The following CHPT1 variants were observed in gnomAD, a reference collection of about 807,000 sequenced individuals.
The protein encoded by CHPT1 is choline phosphotransferase 1.
A neutral mutation model predicts 47.6 loss-of-function variants in CHPT1; 36 were observed. The ratio of observed to expected loss-of-function variants is 0.76; its 90% confidence interval spans 0.58 to 1.00. The LOEUF (loss-of-function observed/expected upper bound fraction) is 1.00, where lower values mean the gene tolerates loss of function less well. Ranked by LOEUF, CHPT1 falls within the 50% of genes least tolerant of loss-of-function variation. The probability of loss-of-function intolerance (pLI) is 0.00; values close to 1 mark genes in which losing one functional copy is unlikely to be tolerated. For synonymous variants in CHPT1, 194 were observed against 186.3 expected (o/e 1.04, Z -0.33); for missense variants, 458 against 498.1 (o/e 0.92, Z 0.77).
chr12:101,700,083 A>G (rs1303638304), intron 1 of CHPT1, among the ~76,000 whole-genome samples: 1 of 152,266 alleles, frequency 6.6e-6, no homozygotes, highest in Admixed American at 6.5e-5. Flanking sequence ...CTGAAAACAC[A>G]TAATAAAATT....
chr12:101,719,993 C>T, intron 4 of CHPT1, 130 bp from the exon 5 acceptor site: 1 of 515,334 alleles, frequency 1.9e-6, no homozygotes, highest in Non-Finnish European at 3.1e-6. Context: ...GGATTATATT[C>T]CAGAAGTTAA....
At chr12:101,709,085 A>G (rs1397615261) in intron 1 of CHPT1, among the ~76,000 whole-genome samples, 1 of 148,552 alleles carries the variant, frequency 6.7e-6, no homozygotes, top group Non-Finnish European at 1.5e-5. Flanking sequence ...GAGGCTCTGT[A>G]GCTCCCGTTT....
intron 6 of CHPT1, 83 bp downstream of exon 6, chr12:101,723,409 A>T: frequency 1.1e-6 from 1 of 889,934 alleles, no homozygotes; most frequent in African/African-American, 1.7e-5. Context: ...TAAAATGTAT[A>T]GGTTTTCTTT....
At chr12:101,727,811 G>A (rs1951999081) in intron 8 of CHPT1, 2 of 152,140 alleles carry the variant, frequency 1.3e-5, no homozygotes, top group African/African-American at 4.8e-5. Flanking sequence ...CGTTAATGGT[G>A]GAAGACTAAT....
rs778075274 is a variant in CHPT1 at position 101,698,138 on chromosome 12, G to C, written c.273+4G>C. The C allele has an allele frequency of 2.3e-5, 35 of 1,493,186 alleles. 1 individual carries two copies. The South Asian group carries it at 4.3e-4, about 18-fold the overall frequency. 92.5% of individuals were successfully genotyped at this position (1,493,186 alleles called of 1,614,324 possible). A position where few individuals can be genotyped will look rare whatever the true frequency, so the allele number is the denominator to read the frequency against. ...CTGTCCCACGGCCACCGAAGAGGTA[G>C]GGCTGGCCGATCGCCCGAGCCGGGC... On this transcript the variant is annotated splice_donor_region_variant and intron_variant, in intron 1 of 8. Transcript: ENST00000229266.
intron 8 of CHPT1, 64 bp downstream of exon 8, chr12:101,726,468 A>ATGAG: frequency 1.3e-6 from 2 of 1,585,342 alleles, no homozygotes; most frequent in Non-Finnish European, 1.7e-6. Context: ...AGGGGAATCT[A>ATGAG]TGAGTGAAGG....
chr12:101,706,970 T>C (rs899665045), intron 1 of CHPT1, among the ~76,000 whole-genome samples: 15 of 152,262 alleles, frequency 9.9e-5, no homozygotes, highest in African/African-American at 3.6e-4. Flanking sequence ...TATATTTGTA[T>C]ACCTGAGGTA....
At chr12:101,719,554 C>T in intron 4 of CHPT1, 1 of 1,270,932 alleles carries the variant, frequency 7.9e-7, no homozygotes, top group Non-Finnish European at 1.0e-6. Context: ...TGGATATTAA[C>T]TACACAGATG....
At chr12:101,710,527 G>C (rs1023877921) in intron 1 of CHPT1, among the ~76,000 whole-genome samples, 1 of 148,640 alleles carries the variant, frequency 6.7e-6, no homozygotes, top group African/African-American at 2.4e-5. Context: ...TCTCTTCTCT[G>C]TTTACATTCC....
chr12:101,713,725 G>A (rs1260204467), intron 1 of CHPT1, among the ~76,000 whole-genome samples: 1 of 149,108 alleles, frequency 6.7e-6, no homozygotes, highest in Non-Finnish European at 1.5e-5. Context: ...TGGAAGCAGA[G>A]GTTGGCAGTT....
At chr12:101,708,643 T>TTCCGTAAGAC (rs1951663859) in intron 1 of CHPT1, among the ~76,000 whole-genome samples, 8 of 123,816 alleles carry the variant, frequency 6.5e-5, no homozygotes, top group Middle Eastern at 5.1e-3. Context: ...GGTCTCACTC[T>TTCCGTAAGAC]GTTGCCCCAG....
At chr12:101,706,382 C>T (rs151247233) in intron 1 of CHPT1, among the ~76,000 whole-genome samples, 3 of 151,758 alleles carry the variant, frequency 2.0e-5, no homozygotes, top group Admixed American at 6.6e-5. Context: ...AAATAGAATA[C>T]GTGTCTCATG....
At position 101,709,880 on chromosome 12, in the gene CHPT1, C is replaced by T. The variant is rs967941715; in HGVS notation, c.274-4210C>T. Among the ~76,000 whole-genome samples the T allele has an allele frequency of 6.7e-5, 10 of 148,608 alleles. 1 individual carries two copies. The highest frequency in any genetic ancestry group is 2.0e-4 in the East Asian group (1 of 4,998). On this transcript the variant is annotated intron_variant, in intron 1 of 8. Transcript: ENST00000229266. ...TGGCCTGTGGTAGGATAAATCTCAT[C>T]GAAGGGCAAGTCGGAAGACCCGATC...
intron 8 of CHPT1, 134 bp from the exon 9 acceptor site, chr12:101,728,765 CTA>C (rs1202959715): frequency 1.0e-6 from 1 of 959,198 alleles, no homozygotes; most frequent in Non-Finnish European, 1.5e-6. Flanking sequence ...TAACTCATAA[CTA>C]TTTAGATTTG....
chr12:101,726,222 A>G (rs74435035), intron 7 of CHPT1, 72 bp from the exon 8 acceptor site: 16,698 of 970,068 alleles, frequency 0.017, 322 homozygotes, highest in African/African-American at 0.081. Flanking sequence ...TATTTGGGGG[A>G]GAAACAGAAT....
intron 3 of CHPT1, 148 bp downstream of exon 3, chr12:101,714,793 A>G (rs1951741669): frequency 4.5e-6 from 3 of 669,300 alleles, no homozygotes; most frequent in Middle Eastern, 4.3e-4. Flanking sequence ...GCTACACCTT[A>G]AGTCTTTTAG....
chr12:101,720,012 C>A, intron 4 of CHPT1, 111 bp from the exon 5 acceptor site: 1 of 612,114 alleles, frequency 1.6e-6, no homozygotes, highest in Non-Finnish European at 2.5e-6. Context: ...AAGGTTTGAT[C>A]ACAAGAAAAA....
chr12:101,705,592 T>C (rs1475631592), intron 1 of CHPT1, among the ~76,000 whole-genome samples: 1 of 78,404 alleles, frequency 1.3e-5, no homozygotes, highest in Non-Finnish European at 2.5e-5. Context: ...ATTATTACCA[T>C]TTTCAAATGG....
rs775760762 is a variant in CHPT1 at position 101,729,024 on chromosome 12, TTAAG to T, written c.*81_*84del. On this transcript the variant is annotated 3_prime_UTR_variant, in exon 9 of 9. Transcript: ENST00000229266. Reference sequence around the variant, plus strand: ...TATTAAACATTTGTTTAATTTTTATTTAAGTGTTATACCTATTTCAGCAAATAAA... The same window carrying T: ...TATTAAACATTTGTTTAATTTTTATTTGTTATACCTATTTCAGCAAATAAA... The T allele has an allele frequency of 1.2e-6, 2 of 1,611,944 alleles. No homozygotes were observed. Among genetic ancestry groups the T allele is most frequent in the Non-Finnish European group, 1.7e-6 (2 of 1,178,476 alleles).
Sources: allele counts gnomAD v4.1 joint callset (sites outside exome capture counted in the v4.1 genomes callset), GRCh38; gene constraint gnomAD v4.1.1; transcripts MANE v1.5; gene names NCBI Gene and HGNC (gene_info 2026-07-23, HGNC 2026-07-21).